The following RCAN3 variants were observed in gnomAD, a reference collection of about 807,000 sequenced individuals.
RCAN3 encodes calcipressin-3.
A neutral mutation model predicts 21.9 loss-of-function variants in RCAN3; 19 were observed. The ratio of observed to expected loss-of-function variants is 0.87; its 90% CI spans 0.61 to 1.27. The LOEUF is 1.27. Ranked by LOEUF, RCAN3 falls within the 50% of genes most tolerant of loss-of-function variation. The probability of loss-of-function intolerance (pLI) is 0.00; values close to 1 mark genes in which losing one functional copy is unlikely to be tolerated. For synonymous variants in RCAN3, 114 were observed against 112.3 expected (o/e 1.01, Z -0.09); for missense variants, 240 against 300.1 (o/e 0.80, Z 1.48).
chr1:24,524,279 A>G (rs989766828), intron 2 of RCAN3, among the ~76,000 whole-genome samples: 3 of 152,200 alleles, frequency 2.0e-5, no homozygotes, highest in Admixed American at 1.3e-4. Flanking sequence ...TACAGTAGCC[A>G]TTAAAACATA....
At position 24,539,890 on chromosome 1, in the gene RCAN3, A is replaced by C. The variant is rs1244239260; in HGVS notation, c.*4613A>C. On this transcript the variant is annotated 3_prime_UTR_variant, in exon 5 of 5. Coordinates refer to ENST00000374395, the MANE Select transcript of RCAN3 (RefSeq NM_013441.4). ...TATCTTCCTGTACTAAAAGAAACAA[A>C]TTATTTATAATTGGGGTGACAATAT... The C allele has an allele frequency of 2.0e-5, 3 of 152,204 alleles. No individual in the cohort carries two copies. Among genetic ancestry groups the C allele is most frequent in the African/African-American group, 4.8e-5 (2 of 41,458 alleles). The allele number at this position is 152,204 out of a possible 1,614,324, so 9.4% of individuals were successfully genotyped here. A position where few individuals can be genotyped will look rare whatever the true frequency, so the allele number is the denominator to read the frequency against.
chr1:24,525,019 A>T lies in RCAN3; in HGVS notation c.196-6199A>T, dbSNP rs922538692. Among the ~76,000 whole-genome samples, 1 of 151,596 alleles carries T rather than the reference A, an allele frequency of 6.6e-6. No homozygotes were observed. Among genetic ancestry groups the T allele is most frequent in the African/African-American group, 2.4e-5 (1 of 41,252 alleles). ...CCTCATTTTTTTTTCAGTCCAAAGC[A>T]AAGGTGTGTGGCAAAATCATGTTCC... On this transcript the variant is annotated intron_variant, in intron 2 of 4. Coordinates refer to ENST00000374395, the MANE Select transcript of RCAN3 (RefSeq NM_013441.4). The surrounding 1 kb of genome is among the most constrained non-coding windows in gnomAD (Gnocchi z 4.1).
chr1:24,528,617 G>T (rs1649471694), intron 2 of RCAN3, among the ~76,000 whole-genome samples: 1 of 152,134 alleles, frequency 6.6e-6, no homozygotes, highest in Admixed American at 6.6e-5. Context: ...GACGAAGAGG[G>T]TCACTACCTA....
intron 2 of RCAN3, among the ~76,000 whole-genome samples, chr1:24,516,724 C>T (rs950570795): frequency 3.3e-5 from 5 of 152,094 alleles, no homozygotes; most frequent in South Asian, 2.1e-4. Context: ...GCCCACAGCA[C>T]GTGGATGGCA....
intron 2 of RCAN3, among the ~76,000 whole-genome samples, chr1:24,529,051 A>T (rs1417462699): frequency 6.6e-6 from 1 of 152,228 alleles, no homozygotes. Context: ...ATCTATTTGC[A>T]ATTTGAGAAA....
intron 1 of RCAN3, among the ~76,000 whole-genome samples, chr1:24,510,457 TTC>T (rs1647783073): frequency 1.3e-5 from 2 of 152,256 alleles, no homozygotes; most frequent in Non-Finnish European, 2.9e-5. Context: ...CGCCTTGCAC[TTC>T]TATGTTATAG....
chr1:24,514,181 T>G, intron 1 of RCAN3, 133 bp from the exon 2 acceptor site: 1 of 454,978 alleles, frequency 2.2e-6, no homozygotes, highest in Non-Finnish European at 3.8e-6. Context: ...CTGTAATGCA[T>G]TGATTTAAAT....
intron 2 of RCAN3, among the ~76,000 whole-genome samples, 154 bp downstream of exon 2, chr1:24,514,721 C>A (rs1219663918): frequency 2.6e-5 from 4 of 151,804 alleles, no homozygotes. Flanking sequence ...GTAATCCCAG[C>A]ACTTTGGGAG....
At position 24,533,073 on chromosome 1, in the gene RCAN3, C is replaced by G; in HGVS notation, c.370-10C>G. 5 of 1,421,086 alleles carry G rather than the reference C, an allele frequency of 3.5e-6. No homozygotes were observed. The highest frequency in any genetic ancestry group is 4.6e-6 in the Non-Finnish European group (5 of 1,083,338). The allele number at this position is 1,421,086 out of a possible 1,614,324, so 88.0% of individuals were successfully genotyped here. A position where few individuals can be genotyped will look rare whatever the true frequency, so the allele number is the denominator to read the frequency against. ...TTGCAAACTGGCTTTGAGCGTCTCG[C>G]TCCCTGCAGGTGCAGATGTCCGGCG... On this transcript the variant is annotated splice_polypyrimidine_tract_variant and intron_variant, in intron 3 of 4. Transcript: ENST00000374395.
At position 24,539,105 on chromosome 1, in the gene RCAN3, T is replaced by C. The variant is rs575458762; in HGVS notation, c.*3828T>C. On this transcript the variant is annotated 3_prime_UTR_variant, in exon 5 of 5. Coordinates refer to ENST00000374395, the MANE Select transcript of RCAN3 (RefSeq NM_013441.4). The stretch of plus-strand genomic sequence containing the variant: ...ATTAGAAAAACTGAGGTTATGGCAC[T>C]GACTTAGGCACCCCCAGCAAGGCAA... 6.6e-6 allele frequency: 1 copy of C among 152,204 alleles called. No homozygotes were observed. The highest frequency in any genetic ancestry group is 1.5e-5 in the Non-Finnish European group (1 of 68,042). The allele number at this position is 152,204 out of a possible 1,614,324, so 9.4% of individuals were successfully genotyped here.
At chr1:24,513,665 A>C (rs1360753983) in intron 1 of RCAN3, among the ~76,000 whole-genome samples, 1 of 152,140 alleles carries the variant, frequency 6.6e-6, no homozygotes, top group Admixed American at 6.6e-5. Flanking sequence ...TCAAAAACAA[A>C]AGTGCTGGGA....
intron 2 of RCAN3, among the ~76,000 whole-genome samples, chr1:24,528,254 G>GAAAAAAAA (rs57400823): frequency 5.7e-5 from 7 of 122,102 alleles, no homozygotes; most frequent in East Asian, 2.2e-4. Context: ...TGGAAAAAAA[G>GAAAAAAAA]AAAAAAAAAA....
At chr1:24,535,040 T>G in intron 4 of RCAN3, 53 bp from the exon 5 acceptor site, 1 of 1,564,314 alleles carries the variant, frequency 6.4e-7, no homozygotes, top group Non-Finnish European at 8.6e-7. Context: ...ACAAAAGAGT[T>G]CTTTTTGCTG....
chr1:24,513,152 G>A (rs1648026222), intron 1 of RCAN3, among the ~76,000 whole-genome samples: 1 of 152,150 alleles, frequency 6.6e-6, no homozygotes. Context: ...CAGGAGAATG[G>A]TGTGAACCCG....
chr1:24,507,935 G>A (rs1157675941), intron 1 of RCAN3, among the ~76,000 whole-genome samples: 1 of 152,142 alleles, frequency 6.6e-6, no homozygotes, highest in Non-Finnish European at 1.5e-5. Flanking sequence ...AGTTAGCTAG[G>A]TGTGTGATGG....
At chr1:24,531,192 T>G in intron 2 of RCAN3, 26 bp from the exon 3 acceptor site, 1 of 1,445,792 alleles carries the variant, frequency 6.9e-7, no homozygotes, top group African/African-American at 1.4e-5. Context: ...TCCCCTTCCC[T>G]TTGCCTTGCT....
chr1:24,523,781 T>C (rs1649028482), intron 2 of RCAN3, among the ~76,000 whole-genome samples: 1 of 152,124 alleles, frequency 6.6e-6, no homozygotes, highest in Non-Finnish European at 1.5e-5. Context: ...ATGTAATATA[T>C]TTTGAGATAA....
chr1:24,503,679 C>T lies in RCAN3; in HGVS notation c.-60+529C>T, dbSNP rs572710444. Among the ~76,000 whole-genome samples the T allele has an allele frequency of 5.3e-5, 8 of 152,356 alleles. No individual in the cohort carries two copies. In the South Asian group the frequency reaches 1.2e-3, roughly 24 times the overall value. ...ATCTGTTCCAGGTTGATTCTTCTAG[C>T]TTCCGTGCAAAATCTGATCATCTCC... On this transcript the variant is annotated intron_variant, in intron 1 of 4. Transcript: ENST00000374395.
In RCAN3 at chr1:24,515,290, C is replaced by T. The variant is rs539303049; in HGVS notation, c.195+723C>T. Among the ~76,000 whole-genome samples the T allele has an allele frequency of 7.9e-5, 12 of 152,192 alleles. No individual in the cohort carries two copies. The East Asian group carries it at 2.3e-3, about 29-fold the overall frequency. ...TTTCCTGGGGCTGATTTACATAAAACCTATTAGGACTATTTATGATTTTGT... is the reference window on the plus strand; with the variant it reads ...TTTCCTGGGGCTGATTTACATAAAATCTATTAGGACTATTTATGATTTTGT... On this transcript the variant is annotated intron_variant, in intron 2 of 4. Coordinates refer to ENST00000374395, the MANE Select transcript of RCAN3 (RefSeq NM_013441.4).
Sources: allele counts gnomAD v4.1 joint callset (sites outside exome capture counted in the v4.1 genomes callset), GRCh38; gene constraint gnomAD v4.1.1; non-coding constraint Gnocchi (gnomAD v3.1); transcripts MANE v1.5; gene names NCBI Gene and HGNC (gene_info 2026-07-23, HGNC 2026-07-21).